The following G3BP2 variants were observed in gnomAD, a reference collection of about 807,000 sequenced individuals.
The protein encoded by G3BP2 is G3BP stress granule assembly factor 2, also known as ras GTPase-activating protein-binding protein 2.
Under a neutral mutation model 56.7 loss-of-function variants are expected in G3BP2, and 11 were observed. The ratio of observed to expected loss-of-function variants is 0.19; its 90% CI spans 0.12 to 0.32. The LOEUF (loss-of-function observed/expected upper bound fraction) is 0.32. Ranked by LOEUF, G3BP2 falls within the 10% of genes least tolerant of loss-of-function variation. The pLI, the probability that G3BP2 is intolerant of heterozygous loss-of-function variation, is 1.00. For synonymous variants in G3BP2, 165 were observed against 191.6 expected (o/e 0.86, Z 1.15); for missense variants, 340 against 610.9 (o/e 0.56, Z 4.67).
At chr4:75,706,325 C>T (rs1048489342) in intron 3 of G3BP2, among the ~76,000 whole-genome samples, 7 of 152,152 alleles carry the variant, frequency 4.6e-5, no homozygotes, top group Admixed American at 1.3e-4. Flanking sequence ...GTGATCCTCC[C>T]GCCTTGGCCT....
At chr4:75,649,015 C>T (rs939653271) in intron 8 of G3BP2, 1 of 240,342 alleles carries the variant, frequency 4.2e-6, no homozygotes, top group African/African-American at 2.3e-5. Flanking sequence ...GTTATATCAA[C>T]ACTGAAATAG....
chr4:75,692,605 C>T (rs969657988), intron 3 of G3BP2, among the ~76,000 whole-genome samples: 7 of 152,014 alleles, frequency 4.6e-5, no homozygotes, highest in Non-Finnish European at 7.4e-5. Flanking sequence ...CCACTGCACC[C>T]GGCGTCAGTT....
chr4:75,654,931 A>C (rs1731974243), intron 7 of G3BP2, 135 bp downstream of exon 7: 2 of 647,152 alleles, frequency 3.1e-6, no homozygotes, highest in Non-Finnish European at 5.2e-6. Context: ...GGTAACAAAC[A>C]AACCCCACAG....
upstream of G3BP2, among the ~76,000 whole-genome samples, chr4:75,676,336 A>ATT (rs34017434): frequency 0.036 from 3,323 of 92,072 alleles, 91 homozygotes; most frequent in East Asian, 0.05. Flanking sequence ...ATTGCCAATA[A>ATT]TTTTTTTTTT....
upstream of G3BP2, among the ~76,000 whole-genome samples, chr4:75,676,308 C>T (rs1733873752): frequency 6.6e-6 from 1 of 151,518 alleles, no homozygotes; most frequent in Admixed American, 6.6e-5. Flanking sequence ...TTTTCTCACA[C>T]CAATTTATTG....
chr4:75,717,231 T>G (rs1577906094), intron 3 of G3BP2, among the ~76,000 whole-genome samples: 1 of 151,234 alleles, frequency 6.6e-6, no homozygotes, highest in African/African-American at 2.4e-5. Flanking sequence ...TCTCCAGGAG[T>G]TTGAGAGCAG....
rs1008686434 is a variant in G3BP2, at chr4:75,643,981, G to A, written c.*1449C>T. ...GATTCATGTAAAAATAAAAGATGTC[G>A]TCCCAGACTTAAATTCAGGAGCCAC... On this transcript the variant is annotated 3_prime_UTR_variant, in exon 12 of 12. Transcript: ENST00000359707. 7 of 152,522 alleles carry A rather than the reference G, an allele frequency of 4.6e-5. No individual in the cohort carries two copies. Among genetic ancestry groups the A allele is most frequent in the East Asian group, 1.9e-4 (1 of 5,178 alleles). 9.4% of individuals were successfully genotyped at this position (152,522 alleles called of 1,614,324 possible).
At chr4:75,702,472 C>T (rs1267301137) in intron 3 of G3BP2, among the ~76,000 whole-genome samples, 2 of 152,182 alleles carry the variant, frequency 1.3e-5, no homozygotes, top group African/African-American at 4.8e-5. Context: ...CTTTGAGTTA[C>T]ATTGTTCTGT....
chr4:75,713,050 G>A (rs527897685), intron 3 of G3BP2, among the ~76,000 whole-genome samples: 1 of 152,244 alleles, frequency 6.6e-6, no homozygotes, highest in African/African-American at 2.4e-5. Flanking sequence ...ATAGGTTAGA[G>A]GTGGGTATTT....
intron 4 of G3BP2, among the ~76,000 whole-genome samples, chr4:75,657,276 C>T (rs1236642634): frequency 6.6e-6 from 1 of 152,138 alleles, no homozygotes; most frequent in Non-Finnish European, 1.5e-5. Context: ...ACCAAAAGAA[C>T]TCTTCTATTT....
intron 1 of G3BP2, among the ~76,000 whole-genome samples, chr4:75,668,862 T>G (rs553900595): frequency 1.3e-5 from 2 of 152,320 alleles, no homozygotes; most frequent in East Asian, 3.9e-4. Context: ...CTTAAAGCAC[T>G]TTTGGCCTTT....
chr4:75,664,377 G>C (rs1306909965), intron 1 of G3BP2, among the ~76,000 whole-genome samples: 2 of 151,906 alleles, frequency 1.3e-5, no homozygotes, highest in Non-Finnish European at 2.9e-5. Flanking sequence ...AGGAGTTCGA[G>C]ACCAGCCTGG....
intron 3 of G3BP2, among the ~76,000 whole-genome samples, chr4:75,710,876 C>T (rs1719728845): frequency 6.6e-6 from 1 of 152,008 alleles, no homozygotes; most frequent in African/African-American, 2.4e-5. Context: ...GTTGCCCAGG[C>T]TGGTCTTGAA....
chr4:75,723,039 A>G (rs1295893136), intron 1 of G3BP2, among the ~76,000 whole-genome samples: 2 of 152,216 alleles, frequency 1.3e-5, no homozygotes, highest in African/African-American at 4.8e-5. Flanking sequence ...AATAACTGCA[A>G]AGTGCTAACA....
At chr4:75,715,296 C>T (rs984809492) in intron 3 of G3BP2, among the ~76,000 whole-genome samples, 1 of 105,936 alleles carries the variant, frequency 9.4e-6, no homozygotes, top group African/African-American at 2.7e-5. Flanking sequence ...ATTTTAAGTA[C>T]TGAAGGAAAA....
At chr4:75,707,727 T>C (rs1396226319) in intron 3 of G3BP2, among the ~76,000 whole-genome samples, 1 of 152,216 alleles carries the variant, frequency 6.6e-6, no homozygotes, top group Non-Finnish European at 1.5e-5. Context: ...GATTGGGCCT[T>C]AGTCCTGTCA....
chr4:75,684,162 T>G (rs1718469295), intron 3 of G3BP2, among the ~76,000 whole-genome samples: 1 of 152,118 alleles, frequency 6.6e-6, no homozygotes, highest in African/African-American at 2.4e-5. Flanking sequence ...TCCCAGCACT[T>G]TGGGAGGCCA....
chr4:75,678,150 T>C (rs1051055552), upstream of G3BP2, among the ~76,000 whole-genome samples: 3 of 151,946 alleles, frequency 2.0e-5, no homozygotes, highest in African/African-American at 4.8e-5. Context: ...GGTTTTGTTG[T>C]TGTTGTTGTT....
upstream of G3BP2, among the ~76,000 whole-genome samples, chr4:75,674,568 A>C (rs976726044): frequency 6.6e-6 from 1 of 151,664 alleles, no homozygotes; most frequent in African/African-American, 2.4e-5. Flanking sequence ...TTTTTCCTTA[A>C]AGCATCAAAA....
Sources: allele counts gnomAD v4.1 joint callset (sites outside exome capture counted in the v4.1 genomes callset), GRCh38; gene constraint gnomAD v4.1.1; transcripts MANE v1.5; gene names NCBI Gene and HGNC (gene_info 2026-07-23, HGNC 2026-07-21).